ADGRA2: variants seen among roughly 807,000 people sequenced by gnomAD.
ADGRA2 encodes the protein G-protein coupled receptor 124.
ADGRA2 carries 61 observed loss-of-function variants against 98.7 expected under a neutral mutation model. The ratio of observed to expected loss-of-function variants is 0.62; its 90% CI spans 0.50 to 0.76. The LOEUF (loss-of-function observed/expected upper bound fraction) is 0.76. Among genes scored for constraint, ADGRA2 ranks in the 30% least tolerant of loss-of-function variants. The pLI, the probability that ADGRA2 is intolerant of heterozygous loss-of-function variation, is 0.00. For synonymous variants in ADGRA2, 858 were observed against 831.5 expected, an observed-to-expected ratio of 1.03 and a Z score of -0.55; for missense variants, 1,712 against 1,860.0, an observed-to-expected ratio of 0.92 and a Z score of 1.46.
In ADGRA2 at chr8:37,830,484, A is replaced by G. The variant is rs1335270822; in HGVS notation, c.719-226A>G. Among the ~76,000 whole-genome samples, 1 of 152,060 alleles carries G rather than the reference A, an allele frequency of 6.6e-6. No individual in the cohort carries two copies. The highest frequency in any genetic ancestry group is 1.5e-5 in the Non-Finnish European group (1 of 67,990). ...ATCTGGCCCCACCTCTTGGGGTAAC[A>G]CGTGTGCTGAGAAAGGAGTACTTTT... On this transcript the variant is annotated intron_variant, in intron 6 of 18. Coordinates refer to ENST00000412232, the MANE Select transcript of ADGRA2 (RefSeq NM_032777.10). The surrounding 1 kb of genome is among the most constrained non-coding windows in gnomAD (Gnocchi z 4.8).
chr8:37,818,174 G>A (rs1226717303), intron 2 of ADGRA2, among the ~76,000 whole-genome samples: 1 of 152,200 alleles, frequency 6.6e-6, no homozygotes, highest in Non-Finnish European at 1.5e-5. Flanking sequence ...GTCCTTCCAG[G>A]GGTCTTTGGA....
At chr8:37,839,288 G>A in intron 15 of ADGRA2, 2 of 659,126 alleles carry the variant, frequency 3.0e-6, no homozygotes, top group East Asian at 1.4e-4. Flanking sequence ...TTCCCCAGGT[G>A]GGTCCACATG....
At chr8:37,825,172 C>T (rs1464252146) in intron 2 of ADGRA2, among the ~76,000 whole-genome samples, 1 of 152,130 alleles carries the variant, frequency 6.6e-6, no homozygotes, top group Non-Finnish European at 1.5e-5. Flanking sequence ...AGCATATCTG[C>T]GCGTGCTTCC....
intron 13 of ADGRA2, among the ~76,000 whole-genome samples, chr8:37,836,531 C>G (rs1291593326): frequency 1.3e-5 from 2 of 152,168 alleles, no homozygotes; most frequent in Non-Finnish European, 2.9e-5. Context: ...TGCAGTCCCC[C>G]TTTTGTCGTT....
At chr8:37,838,005 G>A in intron 14 of ADGRA2, 66 bp downstream of exon 14, 1 of 1,269,470 alleles carries the variant, frequency 7.9e-7, no homozygotes, top group Non-Finnish European at 1.1e-6. Context: ...AATGGGGGTG[G>A]GTGTACTCTG....
rs775841391 is a variant in ADGRA2 at position 37,843,815 on chromosome 8, C to T, written c.*1460C>T. 6.6e-6 allele frequency: 1 copy of T among 152,646 alleles called. No homozygotes were observed. The highest frequency in any genetic ancestry group is 1.5e-5 in the Non-Finnish European group (1 of 68,140). The allele number at this position is 152,646 out of a possible 1,614,324, so 9.5% of individuals were successfully genotyped here. A position where few individuals can be genotyped will look rare whatever the true frequency, so the allele number is the denominator to read the frequency against. ...TACACACCCTGCCAATGCCTTAGCA[C>T]TGGAGAGCTTTTTGCAATATGCTGG... On this transcript the variant is annotated 3_prime_UTR_variant, in exon 19 of 19. Transcript: ENST00000412232.
At chr8:37,833,946 G>A in intron 10 of ADGRA2, 21 bp from the exon 11 acceptor site, 1 of 1,608,492 alleles carries the variant, frequency 6.2e-7, no homozygotes, top group Non-Finnish European at 8.5e-7. Context: ...CCTGCCCTCA[G>A]CAACTTCCCT....
chr8:37,839,153 C>T (rs1009707550), intron 15 of ADGRA2, 70 bp downstream of exon 15: 13 of 1,564,392 alleles, frequency 8.3e-6, no homozygotes, highest in Middle Eastern at 1.8e-4. Flanking sequence ...GTCCACTTCC[C>T]GTCCTATGCT....
In ADGRA2 at chr8:37,834,101, C is replaced by G. The variant is rs1395527297; in HGVS notation, c.1581C>G (p.Leu527=). The part of the protein sequence containing the change: ...GALERIGGAA[L]SPHAQHISVN... ...TGGAGCGCATTGGGGGGGCCGCCCTCAGCCCCCATGCCCAGCACATCTCAG... is the reference window on the plus strand; with the variant it reads ...TGGAGCGCATTGGGGGGGCCGCCCTGAGCCCCCATGCCCAGCACATCTCAG... Residue 527 remains leucine (L), a synonymous_variant, in exon 11 of 19, where the codon CTC becomes CTG. Coordinates refer to ENST00000412232, the MANE Select transcript of ADGRA2 (RefSeq NM_032777.10). This position sits in a 1 kb window ranked among gnomAD's most constrained non-coding sequence, Gnocchi z 4.2. 1 of 1,612,242 alleles carries G rather than the reference C, an allele frequency of 6.2e-7. No homozygotes were observed. Among genetic ancestry groups the G allele is most frequent in the Admixed American group, 1.7e-5 (1 of 59,988 alleles).
At chr8:37,826,703 C>T (rs564389314) in intron 2 of ADGRA2, among the ~76,000 whole-genome samples, 3 of 152,316 alleles carry the variant, frequency 2.0e-5, no homozygotes, top group East Asian at 1.9e-4. Context: ...AGTACCTCCC[C>T]GTCCTGAACA....
At chr8:37,837,676 C>T (rs2130046645) in intron 13 of ADGRA2, 55 bp from the exon 14 acceptor site, 1 of 1,444,068 alleles carries the variant, frequency 6.9e-7, no homozygotes, top group East Asian at 2.5e-5. Context: ...CCCGGCTGAG[C>T]CCACCTCCCT....
At position 37,840,220 on chromosome 8, in the gene ADGRA2, C is replaced by G. The variant is rs1427930078; in HGVS notation, c.2611C>G (p.Pro871Ala). Residue 871 changes from proline (P) to alanine (A), a missense_variant, in exon 17 of 19, where the codon CCG becomes GCG. Coordinates refer to ENST00000412232, the MANE Select transcript of ADGRA2 (RefSeq NM_032777.10). ...GGAGCTCACCTGGAGGGCACCCCCT[C>G]CGCAAGAAGGGGACCCCGCTCTGCC... ...HKELTWRAPP[P>A]QEGDPALPTP... 1 of 1,612,962 alleles carries G rather than the reference C, an allele frequency of 6.2e-7. No individual in the cohort carries two copies. Among genetic ancestry groups the G allele is most frequent in the Non-Finnish European group, 8.5e-7 (1 of 1,179,900 alleles).
Position 37,833,006 on chromosome 8 carries a change from C to G in ADGRA2, c.1098-4C>G, listed in dbSNP as rs776493599. 6.8e-6 allele frequency: 11 copies of G among 1,610,540 alleles called. No homozygotes were observed. Among genetic ancestry groups the G allele is most frequent in the East Asian group, 2.2e-5 (1 of 44,858 alleles). ...CATCGGCAACTTCCTGCCTCTCCCC[C>G]CAGGTGGCCCCGAACTCTGGCTGGC... On this transcript the variant is annotated splice_region_variant and splice_polypyrimidine_tract_variant and intron_variant, in intron 8 of 18. Transcript: ENST00000412232.
At chr8:37,826,156 C>G (rs1805274476) in intron 2 of ADGRA2, among the ~76,000 whole-genome samples, 1 of 152,206 alleles carries the variant, frequency 6.6e-6, no homozygotes, top group Non-Finnish European at 1.5e-5. Flanking sequence ...GCGCCTAAGC[C>G]CCTTGGCAGC....
At position 37,814,955 on chromosome 8, in the gene ADGRA2, T is replaced by A. The variant is rs745618253; in HGVS notation, c.326T>A (p.Leu109Gln). Residue 109 changes from leucine to glutamine, a missense_variant, in exon 2 of 19, where the codon CTG becomes CAG. Physicochemically the swap from Leu to Gln is moderately radical, Grantham distance 113. Coordinates refer to ENST00000412232, the MANE Select transcript of ADGRA2 (RefSeq NM_032777.10). The surrounding 1 kb of genome is among the most constrained non-coding windows in gnomAD (Gnocchi z 4.3). ...AATGGCTCCTTCCTGGGACTGTCAC[T>A]GCTGGAGAAGCTGTAAGTGCTGGGG... ...LRNGSFLGLS[L>Q]LEKLDLRNNI... The A allele has an allele frequency of 6.2e-7, 1 of 1,610,950 alleles. No homozygotes were observed. Among genetic ancestry groups the A allele is most frequent in the South Asian group, 1.1e-5 (1 of 91,028 alleles).
chr8:37,807,142 C>T (rs1315434670), intron 1 of ADGRA2, among the ~76,000 whole-genome samples: 1 of 152,200 alleles, frequency 6.6e-6, no homozygotes. Context: ...CCTTCTATTG[C>T]CAGTCGGTGT....
intron 2 of ADGRA2, among the ~76,000 whole-genome samples, chr8:37,821,909 G>C (rs947712159): frequency 6.6e-6 from 1 of 152,144 alleles, no homozygotes; most frequent in Non-Finnish European, 1.5e-5. Flanking sequence ...TTAGTCTGTG[G>C]GTGGGGCCGA....
intron 1 of ADGRA2, among the ~76,000 whole-genome samples, chr8:37,800,605 G>C (rs536450305): frequency 1.3e-5 from 2 of 152,258 alleles, no homozygotes; most frequent in South Asian, 2.1e-4. Flanking sequence ...GGAGGATCTT[G>C]GTTCTGAACT....
At position 37,829,464 on chromosome 8, in the gene ADGRA2, T is replaced by C. The variant is rs752012824; in HGVS notation, c.483-24T>C. ...CCCATGGACACCCTAAGACCCCATC[T>C]CAGTTGTCCCCTGTTCCCTGCAGAA... is the stretch of plus-strand genomic sequence containing the variant. On this transcript the variant is annotated intron_variant, in intron 4 of 18. Coordinates refer to ENST00000412232, the MANE Select transcript of ADGRA2 (RefSeq NM_032777.10). 1.9e-6 allele frequency: 3 copies of C among 1,604,244 alleles called. No individual in the cohort carries two copies. The South Asian group carries it at 3.3e-5, about 18-fold the overall frequency.
Sources: allele counts gnomAD v4.1 joint callset (sites outside exome capture counted in the v4.1 genomes callset), GRCh38; gene constraint gnomAD v4.1.1; non-coding constraint Gnocchi (gnomAD v3.1); transcripts MANE v1.5; gene names NCBI Gene and HGNC (gene_info 2026-07-23, HGNC 2026-07-21).